Variants in CCDC88A observed in about 807,000 individuals in gnomAD.
CCDC88A encodes the protein girdin.
A neutral mutation model predicts 234.3 loss-of-function variants in CCDC88A; 54 were observed. The observed-to-expected ratio is 0.23, with a 90% CI of 0.19 to 0.29. The LOEUF is 0.29. CCDC88A is among the 10% of genes least tolerant of loss of function. The probability of loss-of-function intolerance (pLI) is 1.00; values close to 1 mark genes in which losing one functional copy is unlikely to be tolerated. For missense variants in CCDC88A, 1,832 were observed against 2,123.4 expected (o/e 0.86, Z 2.70); for synonymous variants, 753 against 737.8 (o/e 1.02, Z -0.33).
At chr2:55,368,334 G>C (rs1672314311) in intron 5 of CCDC88A, among the ~76,000 whole-genome samples, 1 of 151,944 alleles carries the variant, frequency 6.6e-6, no homozygotes, top group East Asian at 1.9e-4. Flanking sequence ...TAAGATCTTT[G>C]GATAATGGTT....
chr2:55,351,187 C>T (rs1196511984), intron 8 of CCDC88A, among the ~76,000 whole-genome samples: 2 of 152,166 alleles, frequency 1.3e-5, no homozygotes, highest in African/African-American at 2.4e-5. Context: ...AATTCCACCT[C>T]AGCCTCTTAA....
At chr2:55,344,696 A>C (rs1340352026) in intron 10 of CCDC88A, among the ~76,000 whole-genome samples, 182 bp from the exon 11 acceptor site, 1 of 152,158 alleles carries the variant, frequency 6.6e-6, no homozygotes, top group African/African-American at 2.4e-5. Context: ...ATGCAAACAA[A>C]ACACTCAGTT....
chr2:55,323,887 T>C (rs566611213), intron 17 of CCDC88A: 1 of 152,370 alleles, frequency 6.6e-6, no homozygotes, highest in African/African-American at 2.4e-5. Flanking sequence ...AAGTTTTGTA[T>C]TTTTAGTAGA....
chr2:55,292,052 C>G, intron 31 of CCDC88A: 1 of 263,392 alleles, frequency 3.8e-6, no homozygotes, highest in Non-Finnish European at 7.2e-6. Flanking sequence ...TGTTTATTTA[C>G]TAAATGGTCA....
intron 7 of CCDC88A, among the ~76,000 whole-genome samples, chr2:55,359,986 G>A (rs1671082367): frequency 6.6e-6 from 1 of 152,132 alleles, no homozygotes; most frequent in African/African-American, 2.4e-5. Context: ...ACCATGGGCA[G>A]TGGAGTTAGA....
intron 2 of CCDC88A, among the ~76,000 whole-genome samples, chr2:55,416,486 A>ATATATATATG (rs1681490074): frequency 8.6e-6 from 1 of 115,670 alleles, no homozygotes; most frequent in African/African-American, 3.0e-5. Context: ...ATATATATAT[A>ATATATATATG]TGTATATATT....
intron 13 of CCDC88A, among the ~76,000 whole-genome samples, chr2:55,338,256 A>G (rs1474124409): frequency 6.6e-6 from 1 of 152,216 alleles, no homozygotes; most frequent in Non-Finnish European, 1.5e-5. Context: ...TCAAACGCTT[A>G]TTAAGATTAT....
chr2:55,392,650 T>G (rs927101602), intron 2 of CCDC88A, among the ~76,000 whole-genome samples: 1 of 152,260 alleles, frequency 6.6e-6, no homozygotes, highest in African/African-American at 2.4e-5. Context: ...ATTTTTTGTT[T>G]ACTGTTCTTA....
intron 23 of CCDC88A, among the ~76,000 whole-genome samples, chr2:55,312,228 C>T (rs959491936): frequency 1.3e-5 from 2 of 152,092 alleles, no homozygotes; most frequent in African/African-American, 4.8e-5. Context: ...GTATTTCTCA[C>T]TTTAGACTAC....
intron 16 of CCDC88A, chr2:55,329,688 A>C (rs17046898): frequency 0.033 from 4,953 of 152,292 alleles, 260 homozygotes; most frequent in African/African-American, 0.1. Flanking sequence ...ACCATATTGA[A>C]AGAGAAGACA....
In CCDC88A at chr2:55,288,634, C is replaced by G. The variant is rs1433485133; in HGVS notation, c.*2566G>C. 6.6e-6 allele frequency: 1 copy of G among 152,598 alleles called. No individual in the cohort carries two copies. Among genetic ancestry groups the G allele is most frequent in the African/African-American group, 2.4e-5 (1 of 41,432 alleles). The allele number at this position is 152,598 out of a possible 1,614,324, so 9.5% of individuals were successfully genotyped here. A position where few individuals can be genotyped will look rare whatever the true frequency, so the allele number is the denominator to read the frequency against. ...GTTTTGTGAACTCTTTGGTAACCAC[C>G]AATTTAAAAATTTGGATGAAAGCAT... is the stretch of plus-strand genomic sequence containing the variant. On this transcript the variant is annotated 3_prime_UTR_variant, in exon 33 of 33. Coordinates refer to ENST00000436346, the MANE Select transcript of CCDC88A (RefSeq NM_001365480.1).
intron 3 of CCDC88A, among the ~76,000 whole-genome samples, chr2:55,388,078 T>C (rs1336898087): frequency 6.6e-6 from 1 of 152,138 alleles, no homozygotes; most frequent in African/African-American, 2.4e-5. Flanking sequence ...AATTGGAGAA[T>C]ACATACTTTT....
chr2:55,352,789 C>T (rs1354078600), intron 8 of CCDC88A, among the ~76,000 whole-genome samples: 1 of 151,930 alleles, frequency 6.6e-6, no homozygotes, highest in Non-Finnish European at 1.5e-5. Context: ...GCAATTATAT[C>T]ATAATGTACT....
At chr2:55,350,607 A>G (rs1669753503) in intron 8 of CCDC88A, 1 of 148,536 alleles carries the variant, frequency 6.7e-6, no homozygotes, top group Non-Finnish European at 1.5e-5. Flanking sequence ...ATATATTAAT[A>G]TATATTATAA....
At chr2:55,295,309 T>C in intron 31 of CCDC88A, 1 of 1,452,590 alleles carries the variant, frequency 6.9e-7, no homozygotes, top group Non-Finnish European at 9.2e-7. Context: ...GGTAACCCAC[T>C]TATGTTACTA....
intron 9 of CCDC88A, among the ~76,000 whole-genome samples, chr2:55,347,435 C>T (rs1485122780): frequency 1.3e-5 from 2 of 151,988 alleles, no homozygotes; most frequent in East Asian, 1.9e-4. Flanking sequence ...TGTGTGACAT[C>T]TTAACAGACT....
At chr2:55,360,528 G>C (rs943347757) in intron 7 of CCDC88A, among the ~76,000 whole-genome samples, 32 of 152,240 alleles carry the variant, frequency 2.1e-4, no homozygotes, top group African/African-American at 7.0e-4. Context: ...AAGTATCTGA[G>C]ACAGAAGAGT....
chr2:55,412,734 T>C (rs769694479), intron 2 of CCDC88A, among the ~76,000 whole-genome samples: 9 of 152,292 alleles, frequency 5.9e-5, no homozygotes, highest in Non-Finnish European at 1.3e-4. Flanking sequence ...ATAATATAAA[T>C]AAAACAATAA....
At chr2:55,368,820 A>C (rs1441017247) in intron 5 of CCDC88A, among the ~76,000 whole-genome samples, 9 of 152,220 alleles carry the variant, frequency 5.9e-5, no homozygotes, top group Admixed American at 4.6e-4. Flanking sequence ...AAGATGAACA[A>C]ATTTTCTGAA....
Sources: gnomAD v4.1 joint callset for allele counts (sites outside exome capture counted in the v4.1 genomes callset) on GRCh38, gnomAD v4.1.1 for gene constraint, MANE v1.5 for transcripts, NCBI Gene and HGNC (gene_info 2026-07-23, HGNC 2026-07-21) for gene names.